The following PCDHGA9 variants were observed in gnomAD, a reference collection of about 807,000 sequenced individuals.
PCDHGA9 encodes protocadherin gamma-A9.
Under a neutral mutation model 62.5 loss-of-function variants are expected in PCDHGA9, and 37 were observed. The ratio of observed to expected loss-of-function variants is 0.59; its 90% CI spans 0.46 to 0.78. The LOEUF (loss-of-function observed/expected upper bound fraction) is 0.78. PCDHGA9 is among the 30% of genes least tolerant of loss of function. The pLI, the probability that PCDHGA9 is intolerant of heterozygous loss-of-function variation, is 0.00. For synonymous variants in PCDHGA9, 459 were observed against 484.6 expected, an observed-to-expected ratio of 0.95 and a Z score of 0.69; for missense variants, 1,138 against 1,166.2, an observed-to-expected ratio of 0.98 and a Z score of 0.35.
chr5:141,491,072 C>T lies in PCDHGA9; in HGVS notation c.2425-3735C>T, dbSNP rs778221466. The T allele has an allele frequency of 6.2e-7, 1 of 1,614,204 alleles. No individual in the cohort carries two copies. Among genetic ancestry groups the T allele is most frequent in the South Asian group, 1.1e-5 (1 of 91,086 alleles). On this transcript the variant is annotated intron_variant, in intron 1 of 3. Coordinates refer to ENST00000573521, the MANE Select transcript of PCDHGA9 (RefSeq NM_018921.3). The surrounding 1 kb of genome is among the most constrained non-coding windows in gnomAD (Gnocchi z 6.9). ...GCGTGGCTCTCCTACTCACTGTTGCCACAGTCCACAGCCCCAGGACTGTTC... is the reference window on the plus strand; with the variant it reads ...GCGTGGCTCTCCTACTCACTGTTGCTACAGTCCACAGCCCCAGGACTGTTC...
intron 2 of PCDHGA9, among the ~76,000 whole-genome samples, chr5:141,496,582 G>C (rs991035985): frequency 6.6e-6 from 1 of 152,100 alleles, no homozygotes; most frequent in Non-Finnish European, 1.5e-5. Flanking sequence ...TTTTAGGAAC[G>C]CAAAGCGCTT....
intron 1 of PCDHGA9, chr5:141,484,889 T>C (rs2099602721): frequency 2.8e-6 from 1 of 363,070 alleles, no homozygotes. Flanking sequence ...GTGGGCTTTT[T>C]CCCCTCCAAT....
intron 1 of PCDHGA9, among the ~76,000 whole-genome samples, chr5:141,425,305 AC>A (rs1239206853): frequency 1.3e-5 from 2 of 152,202 alleles, no homozygotes; most frequent in Non-Finnish European, 2.9e-5. Flanking sequence ...ATCTAAACTA[AC>A]TTCCCAAGAT....
intron 1 of PCDHGA9, chr5:141,478,509 G>A: frequency 1.2e-6 from 2 of 1,611,878 alleles, no homozygotes; most frequent in South Asian, 1.1e-5. Flanking sequence ...GTGTTCTATA[G>A]GCAGGTGTTG....
At position 141,477,891 on chromosome 5, in the gene PCDHGA9, G is replaced by A. The variant is rs750359063; in HGVS notation, c.2425-16916G>A. 130 of 1,614,066 alleles carry A rather than the reference G, an allele frequency of 8.1e-5. 1 individual carries two copies. The highest frequency in any genetic ancestry group is 1.1e-4 in the Non-Finnish European group (125 of 1,180,050). On this transcript the variant is annotated intron_variant, in intron 1 of 3. Coordinates refer to ENST00000573521, the MANE Select transcript of PCDHGA9 (RefSeq NM_018921.3). The surrounding 1 kb of genome is among the most constrained non-coding windows in gnomAD (Gnocchi z 4.9). The stretch of plus-strand genomic sequence containing the variant: ...ACCTCAGCTGGCCACCTAGTGTCAC[G>A]GGTGGTAGGCTGGGACGCGGATGCA...
intron 1 of PCDHGA9, chr5:141,416,406 T>C (rs2096021956): frequency 6.6e-6 from 1 of 152,224 alleles, no homozygotes; most frequent in Non-Finnish European, 1.5e-5. Flanking sequence ...TTGTCTTTTT[T>C]GTTAAATTTT....
intron 1 of PCDHGA9, chr5:141,419,864 C>A (rs1282571542): frequency 6.2e-7 from 1 of 1,613,966 alleles, no homozygotes; most frequent in Non-Finnish European, 8.5e-7. Context: ...AGATAGCTTG[C>A]AAGAGGTACT....
Position 141,493,858 on chromosome 5 carries a change from C to A in PCDHGA9, c.2425-949C>A, listed in dbSNP as rs2099750481. Among the ~76,000 whole-genome samples, 1 of 152,184 alleles carries A rather than the reference C, an allele frequency of 6.6e-6. No homozygotes were observed. The highest frequency in any genetic ancestry group is 1.5e-5 in the Non-Finnish European group (1 of 68,030). On this transcript the variant is annotated intron_variant, in intron 1 of 3. Transcript: ENST00000573521. The surrounding 1 kb of genome is among the most constrained non-coding windows in gnomAD (Gnocchi z 4.3). ...AGTATGAGTATTAATTACCAGCCCA[C>A]CCCAGAACCAGTGAGGAGGTGGCTC...
intron 1 of PCDHGA9, chr5:141,478,109 T>G: frequency 1.2e-6 from 2 of 1,614,086 alleles, no homozygotes; most frequent in Non-Finnish European, 8.5e-7. Flanking sequence ...CCTCACTGTG[T>G]CAGTAACCGA....
chr5:141,404,932 C>A lies in PCDHGA9; in HGVS notation c.1980C>A (p.Leu660=). The A allele has an allele frequency of 6.2e-7, 1 of 1,613,944 alleles. No individual in the cohort carries two copies. The highest frequency in any genetic ancestry group is 8.5e-7 in the Non-Finnish European group (1 of 1,179,858). ...CCCCTCTCTCGGCCACTGTCACGCTCACAGTAGCCATAGCTGACAGCATCC... is the reference window on the plus strand; with the variant it reads ...CCCCTCTCTCGGCCACTGTCACGCTAACAGTAGCCATAGCTGACAGCATCC... ...GQPPLSATVT[L]TVAIADSIPD... Residue 660 remains leucine, a synonymous_variant, in exon 1 of 4, where the codon CTC becomes CTA. Transcript: ENST00000573521.
rs373591066 is a variant in PCDHGA9, at chr5:141,404,487, G to A, written c.1535G>A (p.Gly512Asp). Residue 512 changes from glycine (G) to aspartate (D), a missense_variant, in exon 1 of 4, where the codon GGT becomes GAT. By Grantham distance (94) the Gly-to-Asp change is moderately conservative. Transcript: ENST00000573521. The stretch of plus-strand genomic sequence containing the variant: ...TATGTCTCTATTAACTCAGACACTG[G>A]TGTGCTGTATGCTCTGTGCTCCTTT... Reference protein sequence around the residue: ...STYVSINSDTGVLYALCSFDY... With the variant: ...STYVSINSDTDVLYALCSFDY... 6.8e-6 allele frequency: 11 copies of A among 1,613,722 alleles called. No homozygotes were observed. Among genetic ancestry groups the A allele is most frequent in the Admixed American group, 1.7e-5 (1 of 60,008 alleles).
rs775284049 is a variant in PCDHGA9 at position 141,431,448 on chromosome 5, T to C, written c.2424+26072T>C. On this transcript the variant is annotated intron_variant, in intron 1 of 3. Coordinates refer to ENST00000573521, the MANE Select transcript of PCDHGA9 (RefSeq NM_018921.3). The surrounding 1 kb of genome is among the most constrained non-coding windows in gnomAD (Gnocchi z 4.8). ...CGCACAGGCACCGCGCGCATCCGCG[T>C]GATGGTTCTGGATGCGAACGACAAC... 2.5e-6 allele frequency: 4 copies of C among 1,613,706 alleles called. No individual in the cohort carries two copies. The South Asian group carries it at 4.4e-5, about 18-fold the overall frequency.
intron 1 of PCDHGA9, among the ~76,000 whole-genome samples, chr5:141,459,613 C>T (rs1040874685): frequency 2.6e-5 from 4 of 152,188 alleles, no homozygotes; most frequent in African/African-American, 9.7e-5. Context: ...ATATGCTTAA[C>T]TTTATAAGAA....
intron 1 of PCDHGA9, chr5:141,418,442 G>C: frequency 6.2e-7 from 1 of 1,614,010 alleles, no homozygotes; most frequent in Non-Finnish European, 8.5e-7. Flanking sequence ...TCCAGAATTA[G>C]TATTGCAGAA....
Position 141,486,288 on chromosome 5 carries a change from T to C in PCDHGA9, c.2425-8519T>C. 5 of 1,613,996 alleles carry C rather than the reference T, an allele frequency of 3.1e-6. No individual in the cohort carries two copies. The highest frequency in any genetic ancestry group is 4.2e-6 in the Non-Finnish European group (5 of 1,179,986). ...GAACCTGGCACTGTGGTGGCACTTA[T>C]CAGTGTGCAGGATCCAGACTCAGGG... On this transcript the variant is annotated intron_variant, in intron 1 of 3. Coordinates refer to ENST00000573521, the MANE Select transcript of PCDHGA9 (RefSeq NM_018921.3). The surrounding 1 kb of genome is among the most constrained non-coding windows in gnomAD (Gnocchi z 5.0).
At position 141,404,906 on chromosome 5, in the gene PCDHGA9, C is replaced by A. The variant is rs776779922; in HGVS notation, c.1954C>A (p.Pro652Thr). 1 of 1,613,864 alleles carries A rather than the reference C, an allele frequency of 6.2e-7. No homozygotes were observed. The highest frequency in any genetic ancestry group is 8.5e-7 in the Non-Finnish European group (1 of 1,179,858). ...LVVAVQDHGQPPLSATVTLTV... is the reference protein window; with the variant it reads ...LVVAVQDHGQTPLSATVTLTV... ...GGTGGCTGTACAGGACCATGGCCAGCCCCCTCTCTCGGCCACTGTCACGCT... is the reference window on the plus strand; with the variant it reads ...GGTGGCTGTACAGGACCATGGCCAGACCCCTCTCTCGGCCACTGTCACGCT... Residue 652 changes from proline (P) to threonine (T), a missense_variant, in exon 1 of 4, where the codon CCC becomes ACC. Transcript: ENST00000573521.
At chr5:141,414,567 T>C in intron 1 of PCDHGA9, 1 of 1,613,962 alleles carries the variant, frequency 6.2e-7, no homozygotes, top group Non-Finnish European at 8.5e-7. Context: ...ACTTTACCTA[T>C]ATCCCAGAGA....
At chr5:141,449,264 C>CTG (rs2098633558) in intron 1 of PCDHGA9, among the ~76,000 whole-genome samples, 1 of 152,056 alleles carries the variant, frequency 6.6e-6, no homozygotes, top group African/African-American at 2.4e-5. Context: ...GTACAAAGAA[C>CTG]TGTATCTCCT....
intron 1 of PCDHGA9, chr5:141,422,569 G>A (rs1219842498): frequency 6.2e-7 from 1 of 1,613,984 alleles, no homozygotes; most frequent in Admixed American, 1.7e-5. Context: ...AGATGACAAC[G>A]ATAACCCTCC....
Sources: allele counts gnomAD v4.1 joint callset (sites outside exome capture counted in the v4.1 genomes callset), GRCh38; gene constraint gnomAD v4.1.1; non-coding constraint Gnocchi (gnomAD v3.1); transcripts MANE v1.5; gene names NCBI Gene and HGNC (gene_info 2026-07-23, HGNC 2026-07-21).